The following EXOC6 variants were observed in gnomAD, a reference collection of about 807,000 sequenced individuals.
The protein encoded by EXOC6 is SEC15-like 1.
A neutral mutation model predicts 112.5 loss-of-function variants in EXOC6; 60 were observed. That is an observed-to-expected ratio of 0.53 (90% confidence interval 0.43 to 0.66). The LOEUF is 0.66. Ranked by LOEUF, EXOC6 falls within the 30% of genes least tolerant of loss-of-function variation. The pLI, the probability that EXOC6 is intolerant of heterozygous loss-of-function variation, is 0.00. For missense variants in EXOC6, 855 were observed against 957.1 expected (o/e 0.89, Z 1.41); for synonymous variants, 295 against 308.0 (o/e 0.96, Z 0.44).
At chr10:93,018,016 A>C (rs912934618) in intron 20 of EXOC6, among the ~76,000 whole-genome samples, 8 of 151,538 alleles carry the variant, frequency 5.3e-5, no homozygotes, top group African/African-American at 1.4e-4. Flanking sequence ...GTCTCAAAAA[A>C]AAAAAAAAAG....
intron 21 of EXOC6, among the ~76,000 whole-genome samples, chr10:93,057,753 TATTTG>T (rs1282766556): frequency 2.0e-5 from 3 of 152,332 alleles, no homozygotes; most frequent in South Asian, 2.1e-4. Context: ...ATTTGTGGTG[TATTTG>T]ATTTGAAAGG....
At chr10:92,996,636 AG>A (rs1843506444) in intron 18 of EXOC6, among the ~76,000 whole-genome samples, 1 of 152,132 alleles carries the variant, frequency 6.6e-6, no homozygotes, top group Admixed American at 6.6e-5. Context: ...TTACACTAAA[AG>A]TGATGTAGTT....
At chr10:92,946,985 T>TA (rs1409191900) in intron 13 of EXOC6, among the ~76,000 whole-genome samples, 2 of 152,222 alleles carry the variant, frequency 1.3e-5, no homozygotes, top group Non-Finnish European at 2.9e-5. Flanking sequence ...TGTGTATCTA[T>TA]CTCTCCTATT....
rs148595673 is a variant in EXOC6, at chr10:93,032,119, A to G, written c.2169+17852A>G. ...TCCACAGACAGGAATTTGTTGTAACATAGATTGCAGACTGGGTGTGGTGGC... is the reference window on the plus strand; with the variant it reads ...TCCACAGACAGGAATTTGTTGTAACGTAGATTGCAGACTGGGTGTGGTGGC... On this transcript the variant is annotated intron_variant, in intron 20 of 21. Coordinates refer to ENST00000260762, the MANE Select transcript of EXOC6 (RefSeq NM_019053.6). 3.5e-3 allele frequency among the ~76,000 whole-genome samples: 540 copies of G among 152,198 alleles called. 5 individuals carry two copies. Among genetic ancestry groups the G allele is most frequent in the African/African-American group, 0.012 (517 of 41,512 alleles).
chr10:92,929,317 GT>G (rs1270613768), intron 9 of EXOC6, among the ~76,000 whole-genome samples: 1 of 152,212 alleles, frequency 6.6e-6, no homozygotes, highest in African/African-American at 2.4e-5. Context: ...TACCACTTGT[GT>G]TTGCAACCCA....
chr10:92,880,689 G>A (rs115769299), intron 1 of EXOC6, among the ~76,000 whole-genome samples: 2,647 of 152,092 alleles, frequency 0.017, 78 homozygotes, highest in African/African-American at 0.061. Context: ...GTAATGGGAA[G>A]GTTATCCAGT....
intron 13 of EXOC6, among the ~76,000 whole-genome samples, chr10:92,946,819 T>C (rs1374366905): frequency 6.6e-6 from 1 of 152,236 alleles, no homozygotes; most frequent in Non-Finnish European, 1.5e-5. Context: ...TTTTTTCATC[T>C]GTAAAGACCC....
chr10:93,009,950 A>G (rs185726090), intron 19 of EXOC6, among the ~76,000 whole-genome samples: 1 of 152,346 alleles, frequency 6.6e-6, no homozygotes, highest in Non-Finnish European at 1.5e-5. Flanking sequence ...AAGTGGATGG[A>G]GAGGTTGCAC....
At chr10:92,917,123 C>T (rs937537623) in intron 7 of EXOC6, among the ~76,000 whole-genome samples, 6 of 151,858 alleles carry the variant, frequency 4.0e-5, no homozygotes, top group Non-Finnish European at 5.9e-5. Context: ...CCACCATGCC[C>T]GGCTGGCTAA....
intron 20 of EXOC6, among the ~76,000 whole-genome samples, chr10:93,019,206 C>T (rs1198851092): frequency 6.6e-6 from 1 of 152,104 alleles, no homozygotes; most frequent in East Asian, 1.9e-4. Flanking sequence ...TCTTGAACTC[C>T]AGGGCTCAAG....
chr10:92,897,502 G>T (rs769441847), intron 4 of EXOC6, among the ~76,000 whole-genome samples: 2 of 152,094 alleles, frequency 1.3e-5, no homozygotes, highest in African/African-American at 4.8e-5. Flanking sequence ...AAGTCAAGCT[G>T]GGAACTGTGT....
chr10:92,903,706 C>T (rs909857541), intron 5 of EXOC6, among the ~76,000 whole-genome samples: 2 of 151,818 alleles, frequency 1.3e-5, no homozygotes, highest in African/African-American at 4.8e-5. Flanking sequence ...ACAGAGTTCC[C>T]ATATACTTTT....
intron 5 of EXOC6, among the ~76,000 whole-genome samples, chr10:92,903,994 C>T (rs1440259689): frequency 6.6e-6 from 1 of 151,998 alleles, no homozygotes; most frequent in Non-Finnish European, 1.5e-5. Context: ...AATTACTGAA[C>T]TTTGTACTGT....
At chr10:92,930,642 C>G (rs7893270) in intron 9 of EXOC6, among the ~76,000 whole-genome samples, 119,117 of 151,990 alleles carry the variant, frequency 0.78, 47,941 homozygotes, top group East Asian at 1. Context: ...AGGGGATCAT[C>G]GACCTAAATG....
chr10:93,044,020 A>C (rs904743820), intron 20 of EXOC6, among the ~76,000 whole-genome samples: 2 of 152,224 alleles, frequency 1.3e-5, no homozygotes, highest in East Asian at 3.8e-4. Context: ...TCTGTTACTA[A>C]CTAAGCATTC....
At chr10:92,999,220 C>CA in intron 19 of EXOC6, 1 of 364,216 alleles carries the variant, frequency 2.7e-6, no homozygotes, top group Non-Finnish European at 5.2e-6. Context: ...TTTTTTTTTA[C>CA]AAGTTTTTTT....
chr10:92,998,342 A>G (rs1843589108), intron 19 of EXOC6, among the ~76,000 whole-genome samples: 2 of 152,198 alleles, frequency 1.3e-5, no homozygotes, highest in South Asian at 2.1e-4. Flanking sequence ...CTGGTTGACA[A>G]TTCTATCAGG....
intron 20 of EXOC6, among the ~76,000 whole-genome samples, chr10:93,016,788 A>C (rs191122590): frequency 1.1e-4 from 17 of 151,914 alleles, no homozygotes; most frequent in Non-Finnish European, 2.2e-4. Flanking sequence ...TTCCCTTGTC[A>C]ATTGGTGTCT....
chr10:92,906,067 A>G (rs890237663), intron 5 of EXOC6, among the ~76,000 whole-genome samples: 1 of 152,162 alleles, frequency 6.6e-6, no homozygotes. Context: ...TTCTTGGAGA[A>G]TTGACCATTT....
Sources: gnomAD v4.1 joint callset for allele counts (sites outside exome capture counted in the v4.1 genomes callset) on GRCh38, gnomAD v4.1.1 for gene constraint, MANE v1.5 for transcripts, NCBI Gene and HGNC (gene_info 2026-07-23, HGNC 2026-07-21) for gene names.